SHISA6: variants seen among roughly 807,000 people sequenced by gnomAD.
SHISA6 encodes protein shisa-6.
A neutral mutation model predicts 47.9 loss-of-function variants in SHISA6; 22 were observed. The observed-to-expected ratio is 0.46, with a 90% CI of 0.33 to 0.66. The LOEUF is 0.66. Ranked by LOEUF, SHISA6 falls within the 30% of genes least tolerant of loss-of-function variation. The pLI, the probability that SHISA6 is intolerant of heterozygous loss-of-function variation, is 0.02. For synonymous variants in SHISA6, 388 were observed against 337.8 expected (o/e 1.15, Z -1.63); for missense variants, 680 against 764.6 (o/e 0.89, Z 1.30).
At chr17:11,519,944 T>C (rs1210410468) in intron 3 of SHISA6, among the ~76,000 whole-genome samples, 1 of 152,214 alleles carries the variant, frequency 6.6e-6, no homozygotes, top group Non-Finnish European at 1.5e-5. Flanking sequence ...TGCTCTCCTC[T>C]GTCATTGGCC....
At chr17:11,502,670 T>G (rs1422825594) in intron 3 of SHISA6, among the ~76,000 whole-genome samples, 1 of 152,084 alleles carries the variant, frequency 6.6e-6, no homozygotes, top group Non-Finnish European at 1.5e-5. Flanking sequence ...GAGGTTGCAG[T>G]GAGCTGAGAT....
chr17:11,241,613 C>T lies in SHISA6; in HGVS notation c.191C>T (p.Ala64Val), dbSNP rs991795801. ...CGCGAGCTGAACGGCACCGCCCGGG[C>T]GCCCGGAATCCCGGAGGCGGGAAGC... ...GGRELNGTAR[A>V]PGIPEAGSRR... Residue 64 changes from alanine (A) to valine (V), a missense_variant, in exon 1 of 6, where the codon GCG becomes GTG. Ala to Val is a moderately conservative substitution (Grantham distance 64, BLOSUM62 0). Around this residue, in one of 2 missense-constraint regions of SHISA6, gnomAD observed 121 missense variants for 90.5 expected, o/e 1.34. Coordinates refer to ENST00000441885, the MANE Select transcript of SHISA6 (RefSeq NM_207386.4). The surrounding 1 kb of genome is among the most constrained non-coding windows in gnomAD (Gnocchi z 5.5). 1.5e-6 allele frequency: 2 copies of T among 1,311,756 alleles called. No homozygotes were observed. Among genetic ancestry groups the T allele is most frequent in the East Asian group, 3.3e-5 (1 of 30,730 alleles). The allele number at this position is 1,311,756 out of a possible 1,614,324, so 81.3% of individuals were successfully genotyped here.
At chr17:11,546,942 A>T (rs960369142) in intron 3 of SHISA6, among the ~76,000 whole-genome samples, 1 of 152,256 alleles carries the variant, frequency 6.6e-6, no homozygotes, top group African/African-American at 2.4e-5. Context: ...AAAAAAAAGA[A>T]AAACAAAGGA....
At chr17:11,320,941 C>G (rs1024532824) in intron 2 of SHISA6, among the ~76,000 whole-genome samples, 6 of 152,186 alleles carry the variant, frequency 3.9e-5, no homozygotes, top group Non-Finnish European at 7.3e-5. Context: ...AGATCATATA[C>G]AGATGTAGAT....
chr17:11,410,280 A>T (rs1914079429), intron 3 of SHISA6, among the ~76,000 whole-genome samples: 1 of 152,230 alleles, frequency 6.6e-6, no homozygotes, highest in South Asian at 2.1e-4. Flanking sequence ...TGGATGAGTT[A>T]TCCAGTTCAC....
intron 3 of SHISA6, among the ~76,000 whole-genome samples, chr17:11,424,143 GGTAGA>G (rs1474860153): frequency 6.6e-6 from 1 of 152,118 alleles, no homozygotes; most frequent in Non-Finnish European, 1.5e-5. Context: ...AATAGATGAT[GGTAGA>G]GTAGTTTTCA....
At chr17:11,428,199 A>G (rs902666669) in intron 3 of SHISA6, among the ~76,000 whole-genome samples, 2 of 152,238 alleles carry the variant, frequency 1.3e-5, no homozygotes, top group Admixed American at 6.5e-5. Context: ...TCCCAGAGAC[A>G]CGCAGTTAAT....
chr17:11,355,072 T>TA (rs1305870731), intron 2 of SHISA6, among the ~76,000 whole-genome samples: 1 of 152,200 alleles, frequency 6.6e-6, no homozygotes, highest in Non-Finnish European at 1.5e-5. Flanking sequence ...GTATTAGCAC[T>TA]TTACTATTCA....
intron 2 of SHISA6, among the ~76,000 whole-genome samples, chr17:11,334,547 G>A (rs761358149): frequency 8.5e-5 from 13 of 152,182 alleles, no homozygotes; most frequent in Non-Finnish European, 1.5e-4. Context: ...GAGAGCGCTA[G>A]ACATGCATGT....
intron 3 of SHISA6, among the ~76,000 whole-genome samples, chr17:11,490,683 G>A (rs965696434): frequency 2.0e-5 from 3 of 152,220 alleles, no homozygotes; most frequent in African/African-American, 4.8e-5. Flanking sequence ...GCTCCCAGCC[G>A]TGGTGGTCAG....
chr17:11,546,893 T>C (rs1181866376), intron 3 of SHISA6, among the ~76,000 whole-genome samples: 1 of 150,760 alleles, frequency 6.6e-6, no homozygotes, highest in African/African-American at 2.4e-5. Flanking sequence ...GGCGCCACTG[T>C]ACTCCAGCCT....
intron 2 of SHISA6, among the ~76,000 whole-genome samples, chr17:11,324,603 T>TG (rs1210164906): frequency 1.3e-5 from 2 of 151,846 alleles, no homozygotes; most frequent in African/African-American, 4.8e-5. Flanking sequence ...TGCTCCAGAT[T>TG]GGGGGGTGGA....
chr17:11,499,683 C>CTTTTTTT (rs372464937), intron 3 of SHISA6, among the ~76,000 whole-genome samples: 55 of 127,452 alleles, frequency 4.3e-4, no homozygotes, highest in African/African-American at 7.1e-4. Flanking sequence ...CTTTTTCTTT[C>CTTTTTTT]TTTTTTTTTT....
chr17:11,496,375 G>A (rs909155823), intron 3 of SHISA6, among the ~76,000 whole-genome samples: 1 of 152,180 alleles, frequency 6.6e-6, no homozygotes, highest in African/African-American at 2.4e-5. Context: ...ATAACACGGT[G>A]GGCTGAAAGA....
chr17:11,556,535 C>G (rs1597585516), intron 5 of SHISA6, among the ~76,000 whole-genome samples: 2 of 152,286 alleles, frequency 1.3e-5, no homozygotes, highest in South Asian at 2.1e-4. Flanking sequence ...CTTCTCCTCC[C>G]ATTTTCCCAG....
chr17:11,532,698 T>C (rs1310785458), intron 3 of SHISA6, among the ~76,000 whole-genome samples: 1 of 144,868 alleles, frequency 6.9e-6, no homozygotes, highest in South Asian at 2.2e-4. Flanking sequence ...GGCCCAAGCC[T>C]CCCAAAGCAG....
At chr17:11,287,206 G>GT (rs780018416) in intron 2 of SHISA6, among the ~76,000 whole-genome samples, 19 of 150,666 alleles carry the variant, frequency 1.3e-4, no homozygotes, top group Non-Finnish European at 2.8e-4. Context: ...GCTGTAGTGT[G>GT]TAATGAAAAG....
At position 11,562,073 on chromosome 17, in the gene SHISA6, A is replaced by T. The variant is rs1280481002; in HGVS notation, c.*3769A>T. On this transcript the variant is annotated 3_prime_UTR_variant, in exon 6 of 6. Coordinates refer to ENST00000441885, the MANE Select transcript of SHISA6 (RefSeq NM_207386.4). ...CTCTGGCCAAAGACTCCTATCCTTG[A>T]GGGCTCTCAGCCACTGCTCCAACAC... 1 of 152,062 alleles carries T rather than the reference A, an allele frequency of 6.6e-6. No individual in the cohort carries two copies. Among genetic ancestry groups the T allele is most frequent in the Non-Finnish European group, 1.5e-5 (1 of 68,092 alleles). The allele number at this position is 152,062 out of a possible 1,614,324, so 9.4% of individuals were successfully genotyped here.
intron 2 of SHISA6, among the ~76,000 whole-genome samples, chr17:11,323,785 C>T (rs185661473): frequency 1.3e-5 from 2 of 152,222 alleles, no homozygotes; most frequent in Admixed American, 6.5e-5. Flanking sequence ...TGACCCCTTT[C>T]CTTCCCTTAC....
Sources: allele counts gnomAD v4.1 joint callset (sites outside exome capture counted in the v4.1 genomes callset), GRCh38; gene constraint gnomAD v4.1.1; regional missense constraint gnomAD v4.1.1; non-coding constraint Gnocchi (gnomAD v3.1); transcripts MANE v1.5; gene names NCBI Gene and HGNC (gene_info 2026-07-23, HGNC 2026-07-21).